The following ROBO2 variants were observed in gnomAD, a reference collection of about 807,000 sequenced individuals.
ROBO2 encodes roundabout guidance receptor 2, also known as roundabout homolog 2.
Under a neutral mutation model 160.8 loss-of-function variants are expected in ROBO2, and 53 were observed. The ratio of observed to expected loss-of-function variants is 0.33; its 90% CI spans 0.26 to 0.41. The LOEUF (loss-of-function observed/expected upper bound fraction) is 0.41. Among genes scored for constraint, ROBO2 ranks in the 10% least tolerant of loss-of-function variants. The pLI, the probability that ROBO2 is intolerant of heterozygous loss-of-function variation, is 1.00. For missense variants in ROBO2, 1,577 were observed against 1,722.4 expected (o/e 0.92, Z 1.49); for synonymous variants, 664 against 611.7 (o/e 1.09, Z -1.26).
At chr3:76,334,139 A>G (rs2073699615) in intron 2 of ROBO2, among the ~76,000 whole-genome samples, 1 of 152,164 alleles carries the variant, frequency 6.6e-6, no homozygotes, top group South Asian at 2.1e-4. Context: ...CTTAAAGTAT[A>G]ATAAAAAAAT....
chr3:75,990,819 A>G (rs1036137037), intron 2 of ROBO2, among the ~76,000 whole-genome samples: 70 of 152,144 alleles, frequency 4.6e-4, no homozygotes, highest in African/African-American at 1.6e-3. Context: ...AGCTGCTAAG[A>G]CATTATTTAT....
At chr3:76,143,853 A>G (rs1365322113) in intron 2 of ROBO2, among the ~76,000 whole-genome samples, 1 of 152,066 alleles carries the variant, frequency 6.6e-6, no homozygotes, top group Non-Finnish European at 1.5e-5. Flanking sequence ...CTGAGTTTGA[A>G]GGCCTCGGGG....
chr3:76,264,496 A>G (rs1706973819), intron 2 of ROBO2, among the ~76,000 whole-genome samples: 1 of 152,092 alleles, frequency 6.6e-6, no homozygotes, highest in Non-Finnish European at 1.5e-5. Context: ...GCTTTCTTAA[A>G]TAATTAAAAT....
chr3:76,213,192 C>A (rs192650610), intron 2 of ROBO2, among the ~76,000 whole-genome samples: 32 of 151,966 alleles, frequency 2.1e-4, no homozygotes, highest in Non-Finnish European at 4.3e-4. Context: ...GCCATTATAA[C>A]CTTAAAACAA....
intron 16 of ROBO2, among the ~76,000 whole-genome samples, chr3:77,583,624 C>T (rs1201502449): frequency 6.6e-6 from 1 of 152,040 alleles, no homozygotes; most frequent in African/African-American, 2.4e-5. Context: ...TTCTTTTCTC[C>T]TTATTTCAAC....
chr3:77,648,776 G>C (rs1267876468), exon 26 of ROBO2: 3 of 152,070 alleles, frequency 2.0e-5, no homozygotes, highest in African/African-American at 7.2e-5. Context: ...ACCTATGAGA[G>C]CCACAGCAGT....
intron 2 of ROBO2, among the ~76,000 whole-genome samples, chr3:77,460,753 A>G (rs1005853628): frequency 6.6e-6 from 1 of 152,204 alleles, no homozygotes; most frequent in Non-Finnish European, 1.5e-5. Flanking sequence ...TAGCAAATAT[A>G]TATCTAGCAC....
intron 2 of ROBO2, among the ~76,000 whole-genome samples, chr3:77,351,118 A>T (rs1023244333): frequency 2.0e-5 from 3 of 152,064 alleles, no homozygotes; most frequent in African/African-American, 7.2e-5. Context: ...TGTTTGTTTT[A>T]CTCCTGACTT....
intron 2 of ROBO2, among the ~76,000 whole-genome samples, chr3:76,946,806 G>A (rs1232925525): frequency 6.6e-6 from 1 of 152,154 alleles, no homozygotes; most frequent in Non-Finnish European, 1.5e-5. Flanking sequence ...CTCAATTTAG[G>A]GAGACTGCTG....
At chr3:77,420,818 A>G (rs1268700531) in intron 2 of ROBO2, among the ~76,000 whole-genome samples, 5 of 152,186 alleles carry the variant, frequency 3.3e-5, no homozygotes, top group African/African-American at 1.2e-4. Flanking sequence ...GAGGCATTCT[A>G]GAATGTTTCC....
chr3:75,917,181 C>T (rs1946848300), intron 1 of ROBO2, among the ~76,000 whole-genome samples: 2 of 152,092 alleles, frequency 1.3e-5, no homozygotes, highest in South Asian at 2.1e-4. Flanking sequence ...AATGCTCTCC[C>T]TCCTCTTTTC....
intron 2 of ROBO2, among the ~76,000 whole-genome samples, chr3:76,226,455 T>A (rs892175240): frequency 6.6e-6 from 1 of 152,120 alleles, no homozygotes; most frequent in African/African-American, 2.4e-5. Context: ...TGGTCAGAAT[T>A]GTCACATATT....
chr3:77,460,030 G>T (rs2082085412), intron 2 of ROBO2, among the ~76,000 whole-genome samples: 1 of 151,926 alleles, frequency 6.6e-6, no homozygotes, highest in African/African-American at 2.4e-5. Context: ...TCTGTCTGCT[G>T]CAGGAAGAAT....
At chr3:76,881,086 G>A (rs1352686199) in intron 2 of ROBO2, among the ~76,000 whole-genome samples, 1 of 152,092 alleles carries the variant, frequency 6.6e-6, no homozygotes, top group African/African-American at 2.4e-5. Flanking sequence ...ACCTAGTTTT[G>A]TGTACTGTTT....
chr3:76,907,931 C>T (rs1236339878), intron 2 of ROBO2, among the ~76,000 whole-genome samples: 5 of 151,736 alleles, frequency 3.3e-5, no homozygotes. Flanking sequence ...CCTCCACCTC[C>T]CGGGTTCAAG....
At chr3:77,577,223 G>A (rs912934714) in intron 14 of ROBO2, among the ~76,000 whole-genome samples, 2 of 152,014 alleles carry the variant, frequency 1.3e-5, no homozygotes, top group South Asian at 2.1e-4. Flanking sequence ...AGCTCTGTGC[G>A]GGGTGTATAG....
chr3:76,420,317 T>A (rs980209815), intron 2 of ROBO2, among the ~76,000 whole-genome samples: 1 of 152,114 alleles, frequency 6.6e-6, no homozygotes, highest in Non-Finnish European at 1.5e-5. Flanking sequence ...ACCTGACCCA[T>A]TACACTGTTA....
At chr3:76,751,434 A>G (rs557990367) in intron 2 of ROBO2, among the ~76,000 whole-genome samples, 2 of 152,262 alleles carry the variant, frequency 1.3e-5, no homozygotes, top group South Asian at 2.1e-4. Context: ...AACAACAACA[A>G]AAGTCAAAAT....
chr3:76,714,933 C>T (rs1014916051), intron 2 of ROBO2, among the ~76,000 whole-genome samples: 16 of 152,144 alleles, frequency 1.1e-4, no homozygotes, highest in Admixed American at 7.2e-4. Flanking sequence ...AGTAACTTCT[C>T]ATCCTGTAAA....
Sources: allele counts gnomAD v4.1 joint callset (sites outside exome capture counted in the v4.1 genomes callset), GRCh38; gene constraint gnomAD v4.1.1; transcripts MANE v1.5; gene names NCBI Gene and HGNC (gene_info 2026-07-23, HGNC 2026-07-21).